Variants in SGCD observed in about 807,000 individuals in gnomAD.
SGCD encodes sarcoglycan delta, also known as delta-sarcoglycan.
In SGCD, 18 loss-of-function variants were observed where a neutral mutation model predicts 36.6. That is an observed-to-expected ratio of 0.49 (90% confidence interval 0.34 to 0.73). SGCD has a LOEUF of 0.73. SGCD is among the 30% of genes least tolerant of loss of function. The pLI is 0.01. For missense variants in SGCD, 387 were observed against 346.7 expected, an observed-to-expected ratio of 1.12 and a Z score of -0.92; for synonymous variants, 133 against 130.6, an observed-to-expected ratio of 1.02 and a Z score of -0.12.
At chr5:156,355,186 A>G (rs1769435602) in intron 3 of SGCD, among the ~76,000 whole-genome samples, 1 of 152,216 alleles carries the variant, frequency 6.6e-6, no homozygotes, top group African/African-American at 2.4e-5. Flanking sequence ...TACATCTTGG[A>G]TGGCATGGTA....
intron 4 of SGCD, among the ~76,000 whole-genome samples, chr5:156,521,033 A>G (rs963566846): frequency 6.6e-5 from 10 of 150,736 alleles, no homozygotes; most frequent in Non-Finnish European, 1.5e-4. Flanking sequence ...AAAAAAAAAA[A>G]AAAAAAAAGA....
intron 1 of SGCD, among the ~76,000 whole-genome samples, chr5:155,962,848 G>C (rs2113452390): frequency 6.6e-6 from 1 of 152,244 alleles, no homozygotes; most frequent in African/African-American, 2.4e-5. Context: ...GGACTTATGT[G>C]TTGAAATCAT....
At chr5:155,881,214 A>T (rs1279285282) in intron 1 of SGCD, among the ~76,000 whole-genome samples, 1 of 152,062 alleles carries the variant, frequency 6.6e-6, no homozygotes, top group Admixed American at 6.6e-5. Context: ...AGATATAAGA[A>T]ATAAAAGGAT....
At chr5:155,907,132 C>G (rs903370319) in intron 1 of SGCD, among the ~76,000 whole-genome samples, 7 of 150,020 alleles carry the variant, frequency 4.7e-5, no homozygotes, top group African/African-American at 7.3e-5. Context: ...AGAAATGGAA[C>G]AGCAAAGCCT....
chr5:155,855,140 G>A, the SGCD span, among the ~76,000 whole-genome samples: 1 of 152,142 alleles, frequency 6.6e-6, no homozygotes, highest in Non-Finnish European at 1.5e-5. Context: ...ATCTCTGCCT[G>A]AGGGAATTTT....
intron 1 of SGCD, among the ~76,000 whole-genome samples, chr5:156,023,810 C>T (rs751430292): frequency 7.3e-5 from 11 of 151,636 alleles, no homozygotes; most frequent in Non-Finnish European, 1.2e-4. Context: ...AGAGTTTTCA[C>T]GAAGCTCTGC....
chr5:156,354,646 A>G (rs187297988), intron 3 of SGCD, among the ~76,000 whole-genome samples: 1 of 152,226 alleles, frequency 6.6e-6, no homozygotes, highest in Admixed American at 6.5e-5. Context: ...TGTATATCAC[A>G]CATAGCCATT....
chr5:155,784,645 T>TA, the SGCD span, among the ~76,000 whole-genome samples: 1 of 150,958 alleles, frequency 6.6e-6, no homozygotes, highest in Non-Finnish European at 1.5e-5. Context: ...AGCTCCTTTT[T>TA]TTTTTTTTTT....
chr5:155,872,203 C>T (rs17617120), intron 1 of SGCD, among the ~76,000 whole-genome samples: 28,976 of 152,032 alleles, frequency 0.19, 3,610 homozygotes, highest in Admixed American at 0.41. Flanking sequence ...GTAATGCCTG[C>T]GACAGCTTTA....
intron 6 of SGCD, among the ~76,000 whole-genome samples, chr5:156,644,375 T>A (rs1298467635): frequency 2.0e-5 from 3 of 152,142 alleles, no homozygotes; most frequent in Non-Finnish European, 2.9e-5. Flanking sequence ...AAAATTTAAT[T>A]TTCTCAGGTC....
intron 1 of SGCD, among the ~76,000 whole-genome samples, chr5:155,919,457 T>G (rs1010031747): frequency 6.6e-6 from 1 of 152,204 alleles, no homozygotes; most frequent in Admixed American, 6.5e-5. Flanking sequence ...TCCACCTACT[T>G]ATTCCTCCTT....
chr5:155,780,105 C>A, the SGCD span, among the ~76,000 whole-genome samples: 1 of 152,006 alleles, frequency 6.6e-6, no homozygotes, highest in African/African-American at 2.4e-5. Context: ...ATGATACGTC[C>A]ATTTTTTTTT....
At chr5:156,614,579 T>A (rs1761954515) in intron 6 of SGCD, among the ~76,000 whole-genome samples, 1 of 152,252 alleles carries the variant, frequency 6.6e-6, no homozygotes, top group Non-Finnish European at 1.5e-5. Flanking sequence ...ACCTGGTCAC[T>A]TAGATTCAAA....
chr5:156,133,014 T>C (rs958901513), intron 3 of SGCD, among the ~76,000 whole-genome samples: 1 of 152,214 alleles, frequency 6.6e-6, no homozygotes, highest in Admixed American at 6.5e-5. Flanking sequence ...ACTGAGTCCC[T>C]GTTGAGTCAG....
At chr5:156,386,310 C>T (rs1771276133) in intron 3 of SGCD, among the ~76,000 whole-genome samples, 1 of 152,150 alleles carries the variant, frequency 6.6e-6, no homozygotes, top group South Asian at 2.1e-4. Flanking sequence ...AGAATGTCCC[C>T]TGGTCTCTCT....
At chr5:156,249,720 A>G (rs1431143663) in intron 3 of SGCD, among the ~76,000 whole-genome samples, 1 of 151,574 alleles carries the variant, frequency 6.6e-6, no homozygotes, top group Non-Finnish European at 1.5e-5. Context: ...GTTATTGTAA[A>G]AAAAAAAAAA....
chr5:155,982,779 C>CG (rs1758254711), intron 1 of SGCD, among the ~76,000 whole-genome samples: 1 of 151,900 alleles, frequency 6.6e-6, no homozygotes, highest in Non-Finnish European at 1.5e-5. Context: ...GGCTGCTTTC[C>CG]GGGGGTGAAG....
intron 6 of SGCD, among the ~76,000 whole-genome samples, chr5:156,605,499 C>T (rs1357566775): frequency 6.6e-6 from 1 of 152,208 alleles, no homozygotes; most frequent in Non-Finnish European, 1.5e-5. Context: ...AATAGTGCTG[C>T]AATAAAAATA....
intron 2 of SGCD, among the ~76,000 whole-genome samples, chr5:156,119,184 T>C (rs528976595): frequency 1.3e-5 from 2 of 152,250 alleles, no homozygotes; most frequent in South Asian, 4.1e-4. Context: ...AGTTTTCAGT[T>C]AGACTATTAG....
Sources: gnomAD v4.1 joint callset for allele counts (sites outside exome capture counted in the v4.1 genomes callset) on GRCh38, gnomAD v4.1.1 for gene constraint, MANE v1.5 for transcripts, NCBI Gene and HGNC (gene_info 2026-07-23, HGNC 2026-07-21) for gene names.